PABPC4L: variants seen among roughly 807,000 people sequenced by gnomAD.
PABPC4L encodes poly(A) binding protein cytoplasmic 4 like, also known as polyadenylate-binding protein 4-like.
For missense variants in PABPC4L, 452 were observed against 451.4 expected, an observed-to-expected ratio of 1.00 and a Z score of -0.01; for synonymous variants, 169 against 164.1, an observed-to-expected ratio of 1.03 and a Z score of -0.23.
At chr4:134,133,996 T>A in the PABPC4L span, among the ~76,000 whole-genome samples, 1 of 151,880 alleles carries the variant, frequency 6.6e-6, no homozygotes, top group Non-Finnish European at 1.5e-5. Flanking sequence ...AACTTAAATA[T>A]TACATTGAAA....
chr4:134,087,694 A>G, the PABPC4L span, among the ~76,000 whole-genome samples: 1 of 152,098 alleles, frequency 6.6e-6, no homozygotes, highest in African/African-American at 2.4e-5. Context: ...TCCTTACCCA[A>G]GTCCTTTCTT....
the PABPC4L span, among the ~76,000 whole-genome samples, chr4:133,976,176 A>G: frequency 6.6e-6 from 1 of 152,062 alleles, no homozygotes; most frequent in Admixed American, 6.6e-5. Context: ...CTCATTGTTC[A>G]GGTTCTACTT....
the PABPC4L span, among the ~76,000 whole-genome samples, chr4:134,146,628 G>GA: frequency 6.6e-6 from 1 of 152,018 alleles, no homozygotes; most frequent in Admixed American, 6.6e-5. Context: ...GGACACTGAG[G>GA]AGTGAGTAAG....
the PABPC4L span, among the ~76,000 whole-genome samples, chr4:134,076,804 T>C: frequency 2.6e-5 from 4 of 152,138 alleles, 1 homozygote; most frequent in African/African-American, 4.8e-5. Context: ...GACTTTCATA[T>C]ATACCTAGTT....
the PABPC4L span, among the ~76,000 whole-genome samples, chr4:134,147,503 T>G: frequency 1.3e-5 from 2 of 152,152 alleles, no homozygotes; most frequent in Non-Finnish European, 2.9e-5. Flanking sequence ...GTCAAATGTG[T>G]AATCAAGGGG....
At chr4:134,065,438 GTTGT>G in the PABPC4L span, among the ~76,000 whole-genome samples, 1 of 151,964 alleles carries the variant, frequency 6.6e-6, no homozygotes. Flanking sequence ...TTTTCATGAG[GTTGT>G]TTGTTTTTGC....
chr4:134,171,371 C>G, the PABPC4L span, among the ~76,000 whole-genome samples: 1 of 152,090 alleles, frequency 6.6e-6, no homozygotes, highest in Non-Finnish European at 1.5e-5. Flanking sequence ...GCCTCGGCCT[C>G]CCAAAGTACT....
chr4:134,083,915 T>C, the PABPC4L span, among the ~76,000 whole-genome samples: 1 of 152,186 alleles, frequency 6.6e-6, no homozygotes, highest in Non-Finnish European at 1.5e-5. Context: ...CCATTCTAAA[T>C]TTATTCATGT....
At chr4:134,180,249 C>T in the PABPC4L span, among the ~76,000 whole-genome samples, 1 of 151,706 alleles carries the variant, frequency 6.6e-6, no homozygotes, top group Non-Finnish European at 1.5e-5. Context: ...TCACTCAATA[C>T]AATAATATGG....
chr4:134,119,001 T>C, the PABPC4L span, among the ~76,000 whole-genome samples: 1 of 151,786 alleles, frequency 6.6e-6, no homozygotes. Context: ...ACAATTAAGG[T>C]ACTACATATA....
chr4:134,191,767 A>T (rs552880992), downstream of PABPC4L, among the ~76,000 whole-genome samples: 1 of 152,190 alleles, frequency 6.6e-6, no homozygotes, highest in South Asian at 2.1e-4. Flanking sequence ...TATTTATATT[A>T]AAAAAGAGGA....
the PABPC4L span, among the ~76,000 whole-genome samples, chr4:133,960,060 G>A: frequency 6.6e-6 from 1 of 152,154 alleles, no homozygotes; most frequent in Non-Finnish European, 1.5e-5. Context: ...CATCATTGAG[G>A]ACGGGAGGCA....
chr4:134,067,518 T>C, the PABPC4L span, among the ~76,000 whole-genome samples: 2 of 152,044 alleles, frequency 1.3e-5, no homozygotes, highest in African/African-American at 2.4e-5. Flanking sequence ...TTCCACAACT[T>C]AATTTCCTTC....
At chr4:133,998,613 A>G in the PABPC4L span, among the ~76,000 whole-genome samples, 2 of 152,044 alleles carry the variant, frequency 1.3e-5, no homozygotes, top group African/African-American at 4.8e-5. Context: ...GGGAATACAA[A>G]TCTGTGAACC....
chr4:134,047,886 G>T, the PABPC4L span, among the ~76,000 whole-genome samples: 14 of 151,576 alleles, frequency 9.2e-5, no homozygotes, highest in East Asian at 2.3e-3. Flanking sequence ...GTATTTTAAA[G>T]GGAGTTGGAG....
the PABPC4L span, among the ~76,000 whole-genome samples, chr4:134,009,701 TAG>T: frequency 6.6e-6 from 1 of 152,000 alleles, no homozygotes; most frequent in South Asian, 2.1e-4. Context: ...ATTGAACTAG[TAG>T]AGTTTCAGAT....
chr4:134,090,278 G>T, the PABPC4L span, among the ~76,000 whole-genome samples: 1 of 151,822 alleles, frequency 6.6e-6, no homozygotes, highest in Non-Finnish European at 1.5e-5. Flanking sequence ...TTAATTGTTT[G>T]GTGTCTTGTG....
chr4:134,071,757 A>G, the PABPC4L span, among the ~76,000 whole-genome samples: 3 of 152,188 alleles, frequency 2.0e-5, no homozygotes, highest in African/African-American at 7.2e-5. Context: ...TAAAATACTC[A>G]GTTTAGAGAA....
chr4:134,111,814 C>G, the PABPC4L span, among the ~76,000 whole-genome samples: 1 of 152,076 alleles, frequency 6.6e-6, no homozygotes, highest in South Asian at 2.1e-4. Context: ...CCATGTGGAA[C>G]TGTAAGTCCA....
Sources: allele counts gnomAD v4.1 joint callset (sites outside exome capture counted in the v4.1 genomes callset), GRCh38; gene constraint gnomAD v4.1.1; transcripts MANE v1.5; gene names NCBI Gene and HGNC (gene_info 2026-07-23, HGNC 2026-07-21).